Variants in ATM observed in about 807,000 individuals in gnomAD.
ATM encodes the protein ATM serine/threonine kinase.
ATM carries 308 observed loss-of-function variants against 387.0 expected under a neutral mutation model. The ratio of observed to expected loss-of-function variants is 0.80; its 90% confidence interval spans 0.73 to 0.87. ATM has a LOEUF of 0.87. Among genes scored for constraint, ATM ranks in the 40% least tolerant of loss-of-function variants. The pLI, the probability that ATM is intolerant of heterozygous loss-of-function variation, is 0.00. For missense variants in ATM, 3,312 were observed against 3,560.9 expected (o/e 0.93, Z 1.78); for synonymous variants, 1,156 against 1,187.3 (o/e 0.97, Z 0.54).
At chr11:108,226,138 T>C in intron 1 of ATM, 1 of 152,204 alleles carries the variant, frequency 6.6e-6, no homozygotes, top group East Asian at 1.9e-4. Flanking sequence ...GCTGTTTCTT[T>C]TTTTTTCTTT....
chr11:108,330,033 G>T (rs1021304287), intron 49 of ATM, among the ~76,000 whole-genome samples, 181 bp from the exon 50 acceptor site: 1 of 152,228 alleles, frequency 6.6e-6, no homozygotes, highest in Non-Finnish European at 1.5e-5. Context: ...GCTTAGGAAG[G>T]TGTGTGAATT....
At chr11:108,272,949 C>A (rs1419632322) in intron 22 of ATM, 97 bp downstream of exon 22, 2 of 1,479,660 alleles carry the variant, frequency 1.4e-6, no homozygotes, top group Non-Finnish European at 1.9e-6. Context: ...TTAAAAATAG[C>A]TAACACTTGT....
chr11:108,265,566 G>C (rs2135485830), intron 16 of ATM, among the ~76,000 whole-genome samples: 1 of 150,402 alleles, frequency 6.6e-6, no homozygotes, highest in South Asian at 2.1e-4. Context: ...TCAGGACATA[G>C]GCATGGGCAA....
intron 44 of ATM, among the ~76,000 whole-genome samples, chr11:108,321,047 G>C (rs556308455): frequency 6.6e-6 from 1 of 152,194 alleles, no homozygotes; most frequent in South Asian, 2.1e-4. Context: ...AGGAGGAAGG[G>C]TTGGTCTTGC....
At position 108,347,353 on chromosome 11, in the gene ATM, C is replaced by G. The variant is rs1591274530; in HGVS notation, c.8659C>G (p.His2887Asp). The G allele has an allele frequency of 1.3e-6, 2 of 1,599,912 alleles. No homozygotes were observed. The highest frequency in any genetic ancestry group is 1.7e-6 in the Non-Finnish European group (2 of 1,167,482). ...AAATGAGCAGTCAGCAGAACTTGTA[C>G]ATATAGATCTAGGTAAGTAATAAAA... ...LINEQSAELV[H>D]IDLGVAFEQG... The change falls in exon 59 of 63, where the codon CAT becomes GAT. Residue 2887 changes from histidine to aspartate, a missense_variant. By Grantham distance (81) the His-to-Asp change is moderately conservative (BLOSUM62 -1). Coordinates refer to ENST00000675843, the MANE Select transcript of ATM (RefSeq NM_000051.4).
rs989463613 is a variant in ATM, at chr11:108,257,752, T to C, written c.2376+146T>C. On this transcript the variant is annotated intron_variant, in intron 15 of 62. Transcript: ENST00000675843. Reference sequence around the variant, plus strand: ...CTCCTGCCTCAGCCTCCCAAGTAATTGGGACTACAGGCATGTACCACCTAG... The same window carrying C: ...CTCCTGCCTCAGCCTCCCAAGTAATCGGGACTACAGGCATGTACCACCTAG... 1.8e-5 allele frequency: 15 copies of C among 839,394 alleles called. No individual in the cohort carries two copies. The South Asian group carries it at 2.1e-4, about 12-fold the overall frequency. 52.0% of individuals were successfully genotyped at this position (839,394 alleles called of 1,614,324 possible).
chr11:108,313,607 T>G (rs2084358230), intron 40 of ATM, among the ~76,000 whole-genome samples: 1 of 152,212 alleles, frequency 6.6e-6, no homozygotes, highest in Non-Finnish European at 1.5e-5. Flanking sequence ...TTTTCTCCTT[T>G]CACTTTTGCC....
At position 108,335,344 on chromosome 11, in the gene ATM, A is replaced by G. The variant is rs549011702; in HGVS notation, c.8151+235A>G. 87 of 1,241,146 alleles carry G rather than the reference A, an allele frequency of 7.0e-5. No homozygotes were observed. In the African/African-American group the frequency reaches 1.3e-3, roughly 18 times the overall value. 76.9% of individuals were successfully genotyped at this position (1,241,146 alleles called of 1,614,324 possible). On this transcript the variant is annotated intron_variant, in intron 55 of 62. Coordinates refer to ENST00000675843, the MANE Select transcript of ATM (RefSeq NM_000051.4). The stretch of plus-strand genomic sequence containing the variant: ...TGATTCAAGTAAAAGAATACCATTA[A>G]CATGTACAGACATGTACAGTGAGGT...
At chr11:108,323,650 T>A (rs1395604291) in intron 45 of ATM, among the ~76,000 whole-genome samples, 5 of 152,148 alleles carry the variant, frequency 3.3e-5, no homozygotes, top group Admixed American at 3.3e-4. Flanking sequence ...TATCAAAATA[T>A]CACACGTACC....
At chr11:108,231,506 G>C (rs2135068175) in intron 4 of ATM, 1 of 152,086 alleles carries the variant, frequency 6.6e-6, no homozygotes, top group Non-Finnish European at 1.5e-5. Flanking sequence ...GACCAGCCTG[G>C]CCAATATAGC....
intron 56 of ATM, among the ~76,000 whole-genome samples, chr11:108,337,772 T>C (rs957624796): frequency 6.6e-6 from 1 of 152,252 alleles, no homozygotes; most frequent in African/African-American, 2.4e-5. Flanking sequence ...GGAAATTGTT[T>C]ATGCTCTAAA....
In ATM at chr11:108,332,916, A is replaced by G; in HGVS notation, c.7927+16A>G. Reference sequence around the variant, plus strand: ...ACTCAGAGAAGTATGTTTTTTTTAAAGAAGAAACGTTACTTTCTTGCTGTG... The same window carrying G: ...ACTCAGAGAAGTATGTTTTTTTTAAGGAAGAAACGTTACTTTCTTGCTGTG... On this transcript the variant is annotated intron_variant, in intron 53 of 62. Transcript: ENST00000675843. 6.2e-7 allele frequency: 1 copy of G among 1,608,614 alleles called. No individual in the cohort carries two copies. The highest frequency in any genetic ancestry group is 8.5e-7 in the Non-Finnish European group (1 of 1,178,054).
Position 108,361,319 on chromosome 11 carries a change from C to T in ATM, c.8851-3763C>T, listed in dbSNP as rs2090719874. Among the ~76,000 whole-genome samples, 5 of 144,384 alleles carry T rather than the reference C, an allele frequency of 3.5e-5. 1 individual carries two copies. The South Asian group carries it at 1.2e-3, about 34-fold the overall frequency. The allele number at this position is 144,384 out of a possible 152,430, so 94.7% of individuals were successfully genotyped here. A position where few individuals can be genotyped will look rare whatever the true frequency, so the allele number is the denominator to read the frequency against. On this transcript the variant is annotated intron_variant, in intron 61 of 62. Transcript: ENST00000675843. ...AAGAGGATACAAACAAATGGAAGAACATTCCATGCTCATGGGTAGGAAGAA... is the reference window on the plus strand; with the variant it reads ...AAGAGGATACAAACAAATGGAAGAATATTCCATGCTCATGGGTAGGAAGAA...
chr11:108,261,087 G>C (rs1462204058), intron 16 of ATM, among the ~76,000 whole-genome samples: 4 of 152,232 alleles, frequency 2.6e-5, no homozygotes, highest in African/African-American at 7.2e-5. Context: ...GCCCAGGCTT[G>C]ATTAGGTAAA....
intron 22 of ATM, among the ~76,000 whole-genome samples, chr11:108,276,263 C>G (rs2081944923): frequency 6.6e-6 from 1 of 152,196 alleles, no homozygotes; most frequent in South Asian, 2.1e-4. Context: ...GTTCCTCTAA[C>G]CTTTTTTCAA....
chr11:108,270,973 T>C lies in ATM; in HGVS notation c.2839-91T>C, dbSNP rs1011391669. 8 of 1,033,150 alleles carry C rather than the reference T, an allele frequency of 7.7e-6. No homozygotes were observed. The African/African-American group carries it at 1.1e-4, about 14-fold the overall frequency. 64.0% of individuals were successfully genotyped at this position (1,033,150 alleles called of 1,614,324 possible). On this transcript the variant is annotated intron_variant, in intron 18 of 62. Coordinates refer to ENST00000675843, the MANE Select transcript of ATM (RefSeq NM_000051.4). ...CCTCCCAAAGTGCTGGGATTACAGG[T>C]GTGAGCCACTGCACCCGGCCTATGT...
chr11:108,242,746 C>T (rs551706542), intron 5 of ATM, among the ~76,000 whole-genome samples: 2 of 152,100 alleles, frequency 1.3e-5, no homozygotes, highest in African/African-American at 2.4e-5. Flanking sequence ...CCACTGTTTT[C>T]GCAGTGTCAA....
chr11:108,263,785 A>C (rs2135468217), intron 16 of ATM, among the ~76,000 whole-genome samples: 1 of 150,210 alleles, frequency 6.7e-6, no homozygotes, highest in East Asian at 1.9e-4. Flanking sequence ...GCAATAAAAA[A>C]TGATAAAGGG....
At chr11:108,313,816 CA>C (rs1389199102) in intron 40 of ATM, among the ~76,000 whole-genome samples, 2 of 152,118 alleles carry the variant, frequency 1.3e-5, no homozygotes, top group African/African-American at 2.4e-5. Context: ...GAGCAAGCAC[CA>C]TATAGGCAGT....
Sources: gnomAD v4.1 joint callset for allele counts (sites outside exome capture counted in the v4.1 genomes callset) on GRCh38, gnomAD v4.1.1 for gene constraint, MANE v1.5 for transcripts, NCBI Gene and HGNC (gene_info 2026-07-23, HGNC 2026-07-21) for gene names.